The following GPC6 variants were observed in gnomAD, a reference collection of about 807,000 sequenced individuals.
GPC6 encodes the protein glypican 6, also known as glypican-6.
In GPC6, 14 loss-of-function variants were observed where a neutral mutation model predicts 55.2. That is an observed-to-expected ratio of 0.25 (90% CI 0.17 to 0.40). The LOEUF (loss-of-function observed/expected upper bound fraction) is 0.40. Among genes scored for constraint, GPC6 ranks in the 10% least tolerant of loss-of-function variants. The probability of loss-of-function intolerance (pLI) is 1.00; values close to 1 mark genes in which losing one functional copy is unlikely to be tolerated. For synonymous variants in GPC6, 278 were observed against 259.6 expected (o/e 1.07, Z -0.68); for missense variants, 641 against 708.5 (o/e 0.90, Z 1.08).
chr13:93,958,934 G>A (rs897977912), intron 3 of GPC6, among the ~76,000 whole-genome samples: 1 of 151,956 alleles, frequency 6.6e-6, no homozygotes, highest in African/African-American at 2.4e-5. Context: ...TTTCTTCGTG[G>A]CTATTGTAAA....
chr13:93,577,525 T>C (rs1876722297), intron 2 of GPC6, among the ~76,000 whole-genome samples: 1 of 152,040 alleles, frequency 6.6e-6, no homozygotes, highest in Admixed American at 6.6e-5. Flanking sequence ...TTGGTATATG[T>C]AAATGTTATT....
intron 4 of GPC6, among the ~76,000 whole-genome samples, chr13:94,252,046 C>G (rs1240437428): frequency 1.3e-5 from 2 of 152,088 alleles, no homozygotes; most frequent in African/African-American, 4.8e-5. Flanking sequence ...CCTGGCACCG[C>G]TAACAACTGT....
At chr13:93,985,143 A>G (rs1682516691) in intron 3 of GPC6, among the ~76,000 whole-genome samples, 1 of 152,098 alleles carries the variant, frequency 6.6e-6, no homozygotes, top group African/African-American at 2.4e-5. Context: ...GAAGTAAAAA[A>G]AGAGGCCAGG....
At chr13:94,302,181 C>T (rs1875686141) in intron 5 of GPC6, among the ~76,000 whole-genome samples, 1 of 152,206 alleles carries the variant, frequency 6.6e-6, no homozygotes, top group South Asian at 2.1e-4. Flanking sequence ...ATGCCATGAA[C>T]TGGGTGGCTT....
Position 93,556,402 on chromosome 13 carries a change from G to GTA in GPC6, c.319+10985_319+10986dup, listed in dbSNP as rs1415750473. On this transcript the variant is annotated intron_variant, in intron 2 of 8. Transcript: ENST00000377047. ...TGTGTGTGTGTGTGTGTGTATGTATGTATATGTATATATATATATATATAT... is the reference window on the plus strand; with the variant it reads ...TGTGTGTGTGTGTGTGTGTATGTATGTATATATGTATATATATATATATATAT... 1.1e-4 allele frequency among the ~76,000 whole-genome samples: 12 copies of GTA among 109,472 alleles called. No homozygotes were observed. The East Asian group carries it at 2.6e-3, about 24-fold the overall frequency. The allele number at this position is 109,472 out of a possible 152,430, so 71.8% of individuals were successfully genotyped here.
chr13:93,773,705 G>T (rs574331336), intron 2 of GPC6, among the ~76,000 whole-genome samples: 1 of 152,178 alleles, frequency 6.6e-6, no homozygotes, highest in African/African-American at 2.4e-5. Flanking sequence ...TATTATCTGT[G>T]ATTTTCATAG....
chr13:94,099,378 T>G (rs1885774031), intron 4 of GPC6, among the ~76,000 whole-genome samples: 1 of 152,158 alleles, frequency 6.6e-6, no homozygotes, highest in African/African-American at 2.4e-5. Context: ...TTGGTGCACA[T>G]TCACGGGTAT....
chr13:94,019,261 T>C (rs1353407253), intron 3 of GPC6, among the ~76,000 whole-genome samples: 1 of 152,200 alleles, frequency 6.6e-6, no homozygotes, highest in Non-Finnish European at 1.5e-5. Flanking sequence ...CTATTCATGT[T>C]TTTTATTTCT....
At chr13:93,323,636 T>C (rs1879537550) in intron 1 of GPC6, among the ~76,000 whole-genome samples, 1 of 152,170 alleles carries the variant, frequency 6.6e-6, no homozygotes, top group South Asian at 2.1e-4. Flanking sequence ...TATATAATTG[T>C]TAATTCAGTA....
At chr13:94,360,614 G>A (rs541999611) in intron 6 of GPC6, among the ~76,000 whole-genome samples, 2 of 152,256 alleles carry the variant, frequency 1.3e-5, no homozygotes, top group South Asian at 4.2e-4. Context: ...TGTTTGTAGG[G>A]CTGCTAGAAT....
At chr13:93,914,486 T>A (rs998016372) in intron 3 of GPC6, among the ~76,000 whole-genome samples, 9 of 152,218 alleles carry the variant, frequency 5.9e-5, no homozygotes, top group African/African-American at 2.2e-4. Context: ...CTCTTTTAAC[T>A]AATTTTATTC....
chr13:93,632,117 A>C (rs1196183144), intron 2 of GPC6, among the ~76,000 whole-genome samples: 3 of 152,222 alleles, frequency 2.0e-5, no homozygotes, highest in Admixed American at 2.0e-4. Flanking sequence ...ACTAAAAGAA[A>C]GAAGGTATTA....
intron 2 of GPC6, among the ~76,000 whole-genome samples, chr13:93,680,854 C>A (rs537595386): frequency 1.3e-5 from 2 of 152,230 alleles, no homozygotes; most frequent in African/African-American, 4.8e-5. Context: ...CTATAGGAAA[C>A]AAAGAGCCAT....
At chr13:93,666,641 T>G (rs1369603064) in intron 2 of GPC6, among the ~76,000 whole-genome samples, 1 of 152,236 alleles carries the variant, frequency 6.6e-6, no homozygotes, top group Non-Finnish European at 1.5e-5. Context: ...TTTGATTCAT[T>G]TAAAAACACG....
intron 4 of GPC6, among the ~76,000 whole-genome samples, chr13:94,215,982 G>GA (rs1216770416): frequency 4.0e-4 from 26 of 64,794 alleles, no homozygotes; most frequent in African/African-American, 1.5e-3. Context: ...TTTCAAATAT[G>GA]TTTTTTAGAC....
intron 4 of GPC6, among the ~76,000 whole-genome samples, chr13:94,073,646 GA>G (rs1884811099): frequency 2.0e-5 from 3 of 152,160 alleles, no homozygotes; most frequent in Admixed American, 2.0e-4. Context: ...CTGCTGATGA[GA>G]CCTGTTTCAC....
intron 3 of GPC6, among the ~76,000 whole-genome samples, chr13:93,983,620 A>G (rs946627796): frequency 6.6e-6 from 1 of 152,120 alleles, no homozygotes; most frequent in African/African-American, 2.4e-5. Context: ...TTTAATTAGT[A>G]GCAAAGGCAT....
intron 3 of GPC6, among the ~76,000 whole-genome samples, chr13:93,861,912 G>A (rs1324697393): frequency 1.3e-5 from 2 of 151,654 alleles, no homozygotes; most frequent in East Asian, 2.0e-4. Flanking sequence ...GCCTCTCTGC[G>A]CATCACTGTG....
intron 7 of GPC6, among the ~76,000 whole-genome samples, chr13:94,396,772 G>A (rs555884311): frequency 1.3e-5 from 2 of 152,316 alleles, no homozygotes; most frequent in South Asian, 4.2e-4. Flanking sequence ...AGTGGGTGGA[G>A]ACCCTTTGAT....
Sources: gnomAD v4.1 joint callset for allele counts (sites outside exome capture counted in the v4.1 genomes callset) on GRCh38, gnomAD v4.1.1 for gene constraint, MANE v1.5 for transcripts, NCBI Gene and HGNC (gene_info 2026-07-23, HGNC 2026-07-21) for gene names.